The following SEMA3D variants were observed in gnomAD, a reference collection of about 807,000 sequenced individuals.
SEMA3D encodes the protein semaphorin-3D.
SEMA3D carries 84 observed loss-of-function variants against 100.1 expected under a neutral mutation model. That is an observed-to-expected ratio of 0.84 (90% CI 0.70 to 1.01). SEMA3D has a LOEUF of 1.01. Among genes scored for constraint, SEMA3D ranks in the 50% least tolerant of loss-of-function variants. The pLI is 0.00. For missense variants in SEMA3D, 875 were observed against 934.1 expected (o/e 0.94, Z 0.82); for synonymous variants, 312 against 320.7 (o/e 0.97, Z 0.29).
upstream of SEMA3D, among the ~76,000 whole-genome samples, chr7:85,189,686 A>T (rs1791652510): frequency 6.6e-6 from 1 of 152,176 alleles, no homozygotes; most frequent in African/African-American, 2.4e-5. Flanking sequence ...AAGGAAAGAA[A>T]ACAAATAACT....
intron 1 of SEMA3D, among the ~76,000 whole-genome samples, chr7:85,181,068 T>G (rs1791388829): frequency 6.6e-6 from 1 of 152,186 alleles, no homozygotes. Context: ...AATGCAATAA[T>G]ATCAAAAGCA....
At chr7:85,126,061 G>C (rs1300777551) in intron 2 of SEMA3D, among the ~76,000 whole-genome samples, 1 of 151,996 alleles carries the variant, frequency 6.6e-6, no homozygotes, top group African/African-American at 2.4e-5. Flanking sequence ...TTTACACACT[G>C]TTCCACTAAA....
chr7:85,192,455 C>A, the SEMA3D span, among the ~76,000 whole-genome samples: 1 of 152,010 alleles, frequency 6.6e-6, no homozygotes, highest in Non-Finnish European at 1.5e-5. Flanking sequence ...TTCCTTTGTT[C>A]ATTAAGTGAG....
the SEMA3D span, among the ~76,000 whole-genome samples, chr7:85,233,799 A>G: frequency 6.6e-6 from 1 of 152,236 alleles, no homozygotes; most frequent in African/African-American, 2.4e-5. Context: ...CAATATGCCA[A>G]ACTTCAAAAA....
chr7:85,063,570 G>A (rs1352771276), intron 8 of SEMA3D, among the ~76,000 whole-genome samples: 1 of 152,112 alleles, frequency 6.6e-6, no homozygotes, highest in Non-Finnish European at 1.5e-5. Context: ...TTACAAAACA[G>A]TATATTCTCT....
At chr7:85,051,915 T>C (rs958448195) in intron 9 of SEMA3D, among the ~76,000 whole-genome samples, 2 of 151,872 alleles carry the variant, frequency 1.3e-5, no homozygotes, top group African/African-American at 4.8e-5. Flanking sequence ...TAAAATGCAT[T>C]AAAAATTTAG....
chr7:85,137,068 T>C (rs1789888633), intron 2 of SEMA3D, among the ~76,000 whole-genome samples: 1 of 152,062 alleles, frequency 6.6e-6, no homozygotes, highest in Non-Finnish European at 1.5e-5. Flanking sequence ...TACATAGACT[T>C]TTTTCTTTAA....
chr7:84,999,836 C>T lies in SEMA3D; in HGVS notation c.1938G>A (p.Thr646=), dbSNP rs572313876. 6.8e-5 allele frequency: 110 copies of T among 1,613,254 alleles called. No homozygotes were observed. In the Admixed American group the frequency reaches 7.2e-4, roughly 11 times the overall value. Residue 646 remains threonine (T), a synonymous_variant, in exon 19 of 19, where the codon ACG becomes ACA. Coordinates refer to ENST00000284136, the MANE Select transcript of SEMA3D (RefSeq NM_001384900.1). ...ELKPDERIIK[T]EYGLLIRSLQ... is the part of the protein sequence containing the mutation. ...AACTTCGAATCAGTAGCCCATATTCCGTTTTGATGATTCTTTCATCGGGCT... is the reference window on the plus strand; with the variant it reads ...AACTTCGAATCAGTAGCCCATATTCTGTTTTGATGATTCTTTCATCGGGCT...
chr7:85,010,046 T>C (rs1789909431), intron 17 of SEMA3D, among the ~76,000 whole-genome samples: 1 of 151,640 alleles, frequency 6.6e-6, no homozygotes, highest in African/African-American at 2.4e-5. Flanking sequence ...TCAGGAAAGG[T>C]GTCTCTGAAG....
upstream of SEMA3D, among the ~76,000 whole-genome samples, chr7:85,189,481 T>C (rs1791646611): frequency 6.6e-6 from 1 of 152,162 alleles, no homozygotes; most frequent in South Asian, 2.1e-4. Flanking sequence ...GGAAAAAAAG[T>C]ATATTTTACA....
At chr7:85,211,458 A>G in the SEMA3D span, among the ~76,000 whole-genome samples, 2 of 152,120 alleles carry the variant, frequency 1.3e-5, no homozygotes, top group Admixed American at 1.3e-4. Flanking sequence ...AATTATGAAC[A>G]TAAGAGCAGT....
the SEMA3D span, among the ~76,000 whole-genome samples, chr7:85,245,587 T>C: frequency 6.6e-6 from 1 of 152,186 alleles, no homozygotes; most frequent in Non-Finnish European, 1.5e-5. Context: ...ATCCTCAGTA[T>C]ACACATGAAA....
intron 9 of SEMA3D, among the ~76,000 whole-genome samples, chr7:85,042,491 T>C (rs1019319019): frequency 5.9e-5 from 9 of 152,098 alleles, no homozygotes; most frequent in Non-Finnish European, 1.3e-4. Context: ...TTAAATGAAT[T>C]AAATACAAGC....
chr7:85,233,241 G>GA, the SEMA3D span, among the ~76,000 whole-genome samples: 4,498 of 141,118 alleles, frequency 0.032, 160 homozygotes, highest in African/African-American at 0.094. Context: ...TAGCGCGAAT[G>GA]AAAAAAAAAA....
At chr7:85,106,862 C>T (rs1049410420) in intron 3 of SEMA3D, among the ~76,000 whole-genome samples, 2 of 152,004 alleles carry the variant, frequency 1.3e-5, no homozygotes, top group Non-Finnish European at 2.9e-5. Context: ...TGACAACTCA[C>T]TCACTAAGAG....
At chr7:85,234,059 GT>G in the SEMA3D span, among the ~76,000 whole-genome samples, 2 of 152,150 alleles carry the variant, frequency 1.3e-5, no homozygotes, top group African/African-American at 2.4e-5. Flanking sequence ...GACTTTTAAG[GT>G]TACAAACTGA....
the SEMA3D span, among the ~76,000 whole-genome samples, chr7:85,229,008 A>T: frequency 6.6e-6 from 1 of 152,016 alleles, no homozygotes; most frequent in Non-Finnish European, 1.5e-5. Context: ...CATTGTTTCA[A>T]TGATTTTTTT....
chr7:85,249,446 GCTT>G, the SEMA3D span, among the ~76,000 whole-genome samples: 1 of 152,106 alleles, frequency 6.6e-6, no homozygotes, highest in African/African-American at 2.4e-5. Flanking sequence ...TAAAGAATGG[GCTT>G]TAGTTAATAC....
At chr7:85,178,188 G>T (rs1791293315) in intron 1 of SEMA3D, among the ~76,000 whole-genome samples, 1 of 152,108 alleles carries the variant, frequency 6.6e-6, no homozygotes. Context: ...CCAGTCTCAG[G>T]TATTTCTTCA....
Sources: gnomAD v4.1 joint callset for allele counts (sites outside exome capture counted in the v4.1 genomes callset) on GRCh38, gnomAD v4.1.1 for gene constraint, MANE v1.5 for transcripts, NCBI Gene and HGNC (gene_info 2026-07-23, HGNC 2026-07-21) for gene names.